The following KRCC1 variants were observed in gnomAD, a reference collection of about 807,000 sequenced individuals.
KRCC1 encodes the protein lysine-rich coiled-coil protein 1.
KRCC1 carries 3 observed loss-of-function variants against 7.4 expected under a neutral mutation model. The observed-to-expected ratio is 0.40, with a 90% CI of 0.18 to 1.04. The LOEUF (loss-of-function observed/expected upper bound fraction) is 1.04. Ranked by LOEUF, KRCC1 falls within the 50% of genes least tolerant of loss-of-function variation. KRCC1 has a pLI of 0.33. For synonymous variants in KRCC1, 102 were observed against 101.6 expected (o/e 1.00, Z -0.02); for missense variants, 277 against 300.9 (o/e 0.92, Z 0.59).
intron 3 of KRCC1, among the ~76,000 whole-genome samples, chr2:88,030,741 A>T (rs979753662): frequency 2.7e-4 from 41 of 152,220 alleles, no homozygotes; most frequent in African/African-American, 8.2e-4. Flanking sequence ...GCAGTTTCTT[A>T]AGAAGTTAAA....
At chr2:88,054,022 T>C (rs1200643718) in intron 1 of KRCC1, among the ~76,000 whole-genome samples, 2 of 152,226 alleles carry the variant, frequency 1.3e-5, no homozygotes, top group African/African-American at 4.8e-5. Flanking sequence ...CACTATCAAC[T>C]AAAATCATTC....
At chr2:88,040,687 T>C (rs1438736298) in intron 1 of KRCC1, among the ~76,000 whole-genome samples, 1 of 152,184 alleles carries the variant, frequency 6.6e-6, no homozygotes, top group Non-Finnish European at 1.5e-5. Flanking sequence ...GTTCCACACA[T>C]TGGGAATAAG....
intron 3 of KRCC1, among the ~76,000 whole-genome samples, chr2:88,032,347 CT>C (rs912384692): frequency 3.4e-4 from 50 of 148,814 alleles, no homozygotes; most frequent in African/African-American, 1.1e-3. Flanking sequence ...CACATTTTTA[CT>C]GTGTCTTTTT....
intron 3 of KRCC1, among the ~76,000 whole-genome samples, chr2:88,029,258 ATGAAT>A (rs1573072797): frequency 6.6e-6 from 1 of 152,206 alleles, no homozygotes; most frequent in African/African-American, 2.4e-5. Flanking sequence ...TGAAGTTCTC[ATGAAT>A]TGGTTTCCTG....
intron 3 of KRCC1, 87 bp from the exon 4 acceptor site, chr2:88,028,672 T>C: frequency 1.4e-6 from 1 of 707,154 alleles, no homozygotes; most frequent in Admixed American, 3.6e-5. Context: ...TTTCTTGAGA[T>C]GGCGTCTCGC....
intron 1 of KRCC1, among the ~76,000 whole-genome samples, chr2:88,054,923 C>T (rs1251583815): frequency 2.6e-5 from 4 of 152,176 alleles, no homozygotes; most frequent in African/African-American, 9.7e-5. Flanking sequence ...GAGCTATGAT[C>T]GCGCCACTGC....
rs573909455 is a variant in KRCC1 at position 88,047,456 on chromosome 2, T to TA, written c.-291+8169dup. On this transcript the variant is annotated intron_variant, in intron 1 of 3. Transcript: ENST00000347055. ...GATGAATAAATCAACTGAATTTGAATAAAAAATGTAATAAAAATTTTCATG... is the reference window on the plus strand; with the variant it reads ...GATGAATAAATCAACTGAATTTGAATAAAAAAATGTAATAAAAATTTTCATG... 9.8e-5 allele frequency among the ~76,000 whole-genome samples: 15 copies of TA among 152,300 alleles called. No homozygotes were observed. The East Asian group carries it at 2.3e-3, about 23-fold the overall frequency.
intron 1 of KRCC1, among the ~76,000 whole-genome samples, chr2:88,045,560 T>C (rs1673310788): frequency 6.6e-6 from 1 of 152,102 alleles, no homozygotes; most frequent in Non-Finnish European, 1.5e-5. Context: ...TGCCCAGGGA[T>C]AGAGGTAGAG....
intron 1 of KRCC1, among the ~76,000 whole-genome samples, chr2:88,053,020 C>T (rs1357244160): frequency 1.3e-5 from 2 of 152,038 alleles, no homozygotes; most frequent in Admixed American, 1.3e-4. Context: ...AGGATTTCAA[C>T]ATTCAGGATT....
Position 88,028,490 on chromosome 2 carries a change from C to T in KRCC1, c.74G>A (p.Arg25Lys). The change falls in exon 4 of 4, where the codon AGA becomes AAA. Residue 25 changes from arginine (R) to lysine (K), a missense_variant. By Grantham distance (26) the Arg-to-Lys change is conservative. Coordinates refer to ENST00000347055, the MANE Select transcript of KRCC1 (RefSeq NM_016618.3). ...LEDYIKVQKARGLEPKTCFRK... is the reference protein window; with the variant it reads ...LEDYIKVQKAKGLEPKTCFRK... ...GAAACAAGTCTTTGGCTCTAAGCCT[C>T]TGGCTTTCTGTACTTTAATATAATC... 6.2e-7 allele frequency: 1 copy of T among 1,613,510 alleles called. No homozygotes were observed. Among genetic ancestry groups the T allele is most frequent in the Non-Finnish European group, 8.5e-7 (1 of 1,179,538 alleles).
intron 1 of KRCC1, among the ~76,000 whole-genome samples, chr2:88,044,006 C>G (rs1173780414): frequency 6.6e-6 from 1 of 152,136 alleles, no homozygotes; most frequent in Non-Finnish European, 1.5e-5. Flanking sequence ...CATAAGAACT[C>G]TATGGGCTCA....
intron 3 of KRCC1, among the ~76,000 whole-genome samples, chr2:88,030,968 C>T (rs1231511942): frequency 1.3e-5 from 2 of 152,180 alleles, no homozygotes; most frequent in South Asian, 2.1e-4. Flanking sequence ...CTGGTATAAA[C>T]GAATCTACTA....
chr2:88,038,385 AACCCAGAATCTATGAG>A (rs917118240), intron 1 of KRCC1, among the ~76,000 whole-genome samples: 1 of 152,236 alleles, frequency 6.6e-6, no homozygotes, highest in African/African-American at 2.4e-5. Flanking sequence ...GTAGTAAATA[AACCCAGAATCTATGAG>A]ACATCTCTTT....
At position 88,028,430 on chromosome 2, in the gene KRCC1, C is replaced by T; in HGVS notation, c.134G>A (p.Gly45Glu). Residue 45 changes from glycine (G) to glutamate (E), a missense_variant, in exon 4 of 4, where the codon GGG becomes GAG. By Grantham distance (98) the Gly-to-Glu change is moderately conservative. Coordinates refer to ENST00000347055, the MANE Select transcript of KRCC1 (RefSeq NM_016618.3). ...KMKGDYLETC[G>E]YKGEVNSRPT... ...TCTGGAATTAACCTCTCCTTTGTAC[C>T]CACAGGTTTCCAAATAGTCCCCTTT... 3 of 1,614,090 alleles carry T rather than the reference C, an allele frequency of 1.9e-6. No homozygotes were observed. Among genetic ancestry groups the T allele is most frequent in the Non-Finnish European group, 2.5e-6 (3 of 1,180,006 alleles).
At chr2:88,053,544 G>C (rs545846307) in intron 1 of KRCC1, among the ~76,000 whole-genome samples, 30 of 152,244 alleles carry the variant, frequency 2.0e-4, no homozygotes, top group Non-Finnish European at 4.1e-4. Flanking sequence ...TGTTATAAAA[G>C]CAAAATAATC....
intron 1 of KRCC1, among the ~76,000 whole-genome samples, chr2:88,048,266 G>A (rs112051438): frequency 0.019 from 2,877 of 152,032 alleles, 89 homozygotes; most frequent in African/African-American, 0.067. Context: ...ATTTTTAGTA[G>A]AGACAGGGTT....
intron 1 of KRCC1, among the ~76,000 whole-genome samples, chr2:88,050,349 G>A (rs1300714699): frequency 6.6e-6 from 1 of 152,086 alleles, no homozygotes; most frequent in Non-Finnish European, 1.5e-5. Context: ...AGCTGGGTGC[G>A]GTGGTTCACA....
chr2:88,042,032 A>C (rs1239832496), intron 1 of KRCC1, among the ~76,000 whole-genome samples: 1 of 148,394 alleles, frequency 6.7e-6, no homozygotes, highest in African/African-American at 2.5e-5. Context: ...TTAATACTTC[A>C]TCTTGTTATG....
chr2:88,044,401 CAA>C (rs10527729), intron 1 of KRCC1, among the ~76,000 whole-genome samples: 28 of 146,702 alleles, frequency 1.9e-4, no homozygotes, highest in South Asian at 8.4e-4. Context: ...CAAAAGAAAA[CAA>C]AAAAAAAAAA....
Sources: gnomAD v4.1 joint callset for allele counts (sites outside exome capture counted in the v4.1 genomes callset) on GRCh38, gnomAD v4.1.1 for gene constraint, MANE v1.5 for transcripts, NCBI Gene and HGNC (gene_info 2026-07-23, HGNC 2026-07-21) for gene names.